HPRT1: variants seen among roughly 807,000 people sequenced by gnomAD.
The protein encoded by HPRT1 is hypoxanthine-guanine phosphoribosyltransferase.
A neutral mutation model predicts 19.0 loss-of-function variants in HPRT1; 4 were observed. That is an observed-to-expected ratio of 0.21 (90% CI 0.10 to 0.48). The LOEUF is 0.48. Among genes scored for constraint, HPRT1 ranks in the 20% least tolerant of loss-of-function variants. The pLI is 0.98. For missense variants in HPRT1, 65 were observed against 164.0 expected (o/e 0.40, Z 3.30); for synonymous variants, 53 against 54.9 (o/e 0.97, Z 0.15).
At chrX:134,471,788 G>A (rs1039958871) in intron 1 of HPRT1, among the ~76,000 whole-genome samples, 3 of 110,263 alleles carry the variant, frequency 2.7e-5, no homozygotes, top group Admixed American at 9.8e-5. Context: ...CTACAGGCGC[G>A]TGCCACATGC....
intron 3 of HPRT1, 56 bp downstream of exon 3, chrX:134,475,420 T>A: frequency 1.3e-6 from 1 of 797,914 alleles, no homozygotes; most frequent in Non-Finnish European, 1.9e-6. Flanking sequence ...TTTCTTATAT[T>A]TTCTTTGAAT....
chrX:134,491,565 G>A (rs1435574102), intron 5 of HPRT1, among the ~76,000 whole-genome samples: 1 of 110,325 alleles, frequency 9.1e-6, no homozygotes, highest in Non-Finnish European at 1.9e-5. Context: ...ACAGACGTTA[G>A]GTTGTTTCCA....
rs1382357095 is a variant in HPRT1 at position 134,460,265 on chromosome X, G to A, written c.-47G>A. 5.4e-6 allele frequency: 6 copies of A among 1,120,181 alleles called. No homozygotes were observed. The highest frequency in any genetic ancestry group is 7.0e-6 in the Non-Finnish European group (6 of 851,395). 92.3% of individuals were successfully genotyped at this position (1,120,181 alleles called of 1,213,427 possible). ...CCGCCTCCTCCTCTGCTCCGCCACC[G>A]GCTTCCTCCTCCTGAGCAGTCAGCC... On this transcript the variant is annotated 5_prime_UTR_variant, in exon 1 of 9. Transcript: ENST00000298556.
At chrX:134,465,854 CT>C (rs1312037626) in intron 1 of HPRT1, among the ~76,000 whole-genome samples, 1 of 112,017 alleles carries the variant, frequency 8.9e-6, no homozygotes, top group African/African-American at 3.3e-5. Context: ...TTTACCACTT[CT>C]AGGCCCCTCC....
chrX:134,487,395 CTT>C (rs201821236), intron 4 of HPRT1, among the ~76,000 whole-genome samples: 1 of 104,038 alleles, frequency 9.6e-6, no homozygotes, highest in African/African-American at 3.5e-5. Flanking sequence ...AATGCTACTG[CTT>C]TTTTTTTTTG....
At chrX:134,475,435 G>A (rs1395751036) in intron 3 of HPRT1, 71 bp downstream of exon 3, 1 of 681,379 alleles carries the variant, frequency 1.5e-6, no homozygotes. Flanking sequence ...TTGAATCTCT[G>A]CAAACCATAC....
intron 3 of HPRT1, among the ~76,000 whole-genome samples, chrX:134,482,081 G>T (rs1402040690): frequency 9.0e-6 from 1 of 111,383 alleles, no homozygotes; most frequent in Non-Finnish European, 1.9e-5. Context: ...TTGAGACAGG[G>T]TCTCACTCTG....
At chrX:134,498,830 C>T (rs775530776) in intron 8 of HPRT1, 146 bp downstream of exon 8, 28 of 496,857 alleles carry the variant, frequency 5.6e-5, no homozygotes, top group African/African-American at 9.4e-5. Context: ...CTAGTACAGA[C>T]GTCCTTAGAA....
At chrX:134,479,146 A>G (rs1227239084) in intron 3 of HPRT1, among the ~76,000 whole-genome samples, 1 of 112,328 alleles carries the variant, frequency 8.9e-6, no homozygotes, top group Non-Finnish European at 1.9e-5. Flanking sequence ...CAGGAGTTCA[A>G]GACCAGCCTA....
In HPRT1 at chrX:134,471,266, T is replaced by C. The variant is rs185067114; in HGVS notation, c.28-2093T>C. On this transcript the variant is annotated intron_variant, in intron 1 of 8. Transcript: ENST00000298556. The stretch of plus-strand genomic sequence containing the variant: ...AATAAAGAACTAAATAAAATTGCTG[T>C]AACTCCTCTTTCAAAGATAAGTGCT... 2.7e-3 allele frequency among the ~76,000 whole-genome samples: 306 copies of C among 111,818 alleles called. 3 individuals carry two copies. The highest frequency in any genetic ancestry group is 9.4e-3 in the African/African-American group (289 of 30,899).
In HPRT1 at chrX:134,479,309, C is replaced by T. The variant is rs187793790; in HGVS notation, c.318+3945C>T. On this transcript the variant is annotated intron_variant, in intron 3 of 8. Coordinates refer to ENST00000298556, the MANE Select transcript of HPRT1 (RefSeq NM_000194.3). ...TTTGAGACGAAGTCTCACTCTTGTC[C>T]CCCAGGCTGGAGTGCGATGGCGTGA... Among the ~76,000 whole-genome samples the T allele has an allele frequency of 1.6e-4, 18 of 110,962 alleles. 1 individual carries two copies. The East Asian group carries it at 4.8e-3, about 30-fold the overall frequency.
chrX:134,495,848 C>G (rs2077679078), intron 6 of HPRT1, among the ~76,000 whole-genome samples: 1 of 112,279 alleles, frequency 8.9e-6, no homozygotes, highest in Non-Finnish European at 1.9e-5. Flanking sequence ...TATGGACATT[C>G]CATATAAATG....
intron 6 of HPRT1, among the ~76,000 whole-genome samples, chrX:134,493,956 A>T (rs1200378493): frequency 8.9e-6 from 1 of 111,980 alleles, no homozygotes; most frequent in African/African-American, 3.2e-5. Context: ...CCTGGAATTG[A>T]GTGATGAATG....
At chrX:134,480,246 A>G (rs1210815747) in intron 3 of HPRT1, among the ~76,000 whole-genome samples, 1 of 111,222 alleles carries the variant, frequency 9.0e-6, no homozygotes, top group East Asian at 2.8e-4. Context: ...TTTGAACCCA[A>G]TCTTTTAACT....
chrX:134,498,540 C>G, intron 7 of HPRT1, 68 bp from the exon 8 acceptor site: 1 of 974,140 alleles, frequency 1.0e-6, no homozygotes, highest in African/African-American at 1.9e-5. Context: ...TAGAGAGGCA[C>G]ATTTGCCAGT....
intron 3 of HPRT1, among the ~76,000 whole-genome samples, chrX:134,480,911 A>G (rs757146534): frequency 9.3e-6 from 1 of 107,340 alleles, no homozygotes; most frequent in African/African-American, 3.4e-5. Context: ...TTTAACATCA[A>G]AGATGCAAAT....
intron 3 of HPRT1, among the ~76,000 whole-genome samples, chrX:134,479,413 G>A (rs1187728489): frequency 1.8e-5 from 2 of 109,700 alleles, no homozygotes; most frequent in Admixed American, 9.8e-5. Flanking sequence ...GGGATTACAG[G>A]CGCCTGCTAC....
intron 1 of HPRT1, among the ~76,000 whole-genome samples, chrX:134,467,974 T>A (rs1179246949): frequency 9.7e-6 from 1 of 102,912 alleles, no homozygotes; most frequent in African/African-American, 3.7e-5. Context: ...GCCTGGCTAA[T>A]TTTTTTTTTG....
intron 1 of HPRT1, among the ~76,000 whole-genome samples, chrX:134,471,892 G>A (rs17882487): frequency 8.9e-6 from 1 of 111,951 alleles, no homozygotes; most frequent in African/African-American, 3.2e-5. Flanking sequence ...GCCCACCTGG[G>A]CCTCCCAAAA....
Sources: allele counts gnomAD v4.1 joint callset (sites outside exome capture counted in the v4.1 genomes callset), GRCh38; gene constraint gnomAD v4.1.1; transcripts MANE v1.5; gene names NCBI Gene and HGNC (gene_info 2026-07-23, HGNC 2026-07-21).